Variants in PHLPP1 observed in about 807,000 individuals in gnomAD.
The protein encoded by PHLPP1 is PH domain and leucine rich repeat protein phosphatase 1, also known as PH domain leucine-rich repeat-containing protein phosphatase 1.
In PHLPP1, 42 loss-of-function variants were observed where a neutral mutation model predicts 117.2. The observed-to-expected ratio is 0.36, with a 90% CI of 0.28 to 0.46. The LOEUF (loss-of-function observed/expected upper bound fraction) is 0.46. Among genes scored for constraint, PHLPP1 ranks in the 20% least tolerant of loss-of-function variants. The pLI, the probability that PHLPP1 is intolerant of heterozygous loss-of-function variation, is 1.00. For synonymous variants in PHLPP1, 1,042 were observed against 970.7 expected, an observed-to-expected ratio of 1.07 and a Z score of -1.37; for missense variants, 2,084 against 2,241.9, an observed-to-expected ratio of 0.93 and a Z score of 1.42.
chr18:62,807,624 C>T (rs1913987018), intron 1 of PHLPP1, among the ~76,000 whole-genome samples: 2 of 152,198 alleles, frequency 1.3e-5, no homozygotes, highest in African/African-American at 4.8e-5. Flanking sequence ...TACTCCACAC[C>T]TCTCTATGCT....
rs1007188094 is a variant in PHLPP1 at position 62,715,791 on chromosome 18, G to C, written c.108G>C (p.Ala36=). The C allele has an allele frequency of 1.3e-6, 1 of 791,692 alleles. No homozygotes were observed. Among genetic ancestry groups the C allele is most frequent in the Non-Finnish European group, 1.5e-6 (1 of 645,562 alleles). 49.0% of individuals were successfully genotyped at this position (791,692 alleles called of 1,614,324 possible). A position where few individuals can be genotyped will look rare whatever the true frequency, so the allele number is the denominator to read the frequency against. The change falls in exon 1 of 17, where the codon GCG becomes GCC. Residue 36 remains alanine (A), a synonymous_variant. Coordinates refer to ENST00000262719, the MANE Select transcript of PHLPP1 (RefSeq NM_194449.4). ...AAAAAAAAAA[A]AAAALAAAAG... is the part of the protein sequence containing the mutation. ...CTGCGGCAGCAGCAGCAGCAGCGGCGGCCGCGGCGGCTCTGGCGGCGGCGG... is the reference window on the plus strand; with the variant it reads ...CTGCGGCAGCAGCAGCAGCAGCGGCCGCCGCGGCGGCTCTGGCGGCGGCGG...
chr18:62,889,759 G>C (rs1916363757), intron 4 of PHLPP1: 1 of 152,164 alleles, frequency 6.6e-6, no homozygotes, highest in Non-Finnish European at 1.5e-5. Context: ...TATGGAGAAG[G>C]CACTTCTCCA....
chr18:62,943,728 C>T (rs1051078031), intron 11 of PHLPP1, among the ~76,000 whole-genome samples: 5 of 152,162 alleles, frequency 3.3e-5, no homozygotes, highest in Non-Finnish European at 7.3e-5. Context: ...AAAACACCTC[C>T]CACCGGGCCC....
intron 10 of PHLPP1, among the ~76,000 whole-genome samples, chr18:62,928,686 T>C (rs1025223792): frequency 6.6e-6 from 1 of 152,184 alleles, no homozygotes; most frequent in African/African-American, 2.4e-5. Context: ...CATATATGTT[T>C]ACACCAAACT....
intron 1 of PHLPP1, among the ~76,000 whole-genome samples, chr18:62,775,781 C>G (rs1207820247): frequency 6.6e-6 from 1 of 152,126 alleles, no homozygotes; most frequent in Non-Finnish European, 1.5e-5. Context: ...GAAACCACCA[C>G]CACAGTCAAG....
At chr18:62,923,463 AAAGTT>A (rs1289376341) in intron 10 of PHLPP1, among the ~76,000 whole-genome samples, 1 of 152,196 alleles carries the variant, frequency 6.6e-6, no homozygotes, top group African/African-American at 2.4e-5. Flanking sequence ...ATCAGAGAGA[AAAGTT>A]AAGATTGTTA....
chr18:62,938,442 T>C (rs1910035796), intron 10 of PHLPP1, among the ~76,000 whole-genome samples: 1 of 152,220 alleles, frequency 6.6e-6, no homozygotes, highest in Middle Eastern at 3.2e-3. Flanking sequence ...CAATTTAAAT[T>C]GTCTCCTGCT....
rs181263570 is a variant in PHLPP1, at chr18:62,830,144, C to T, written c.1686C>T (p.Val562=). Reference sequence around the variant, plus strand: ...TGAACCGATGGACAAGACGCCAAGTCATCCTATGTGGGACCTGCCTGATAG... The same window carrying T: ...TGAACCGATGGACAAGACGCCAAGTTATCCTATGTGGGACCTGCCTGATAG... ...LPVNRWTRRQ[V]ILCGTCLIVS... Residue 562 remains valine (V), a synonymous_variant, in exon 2 of 17, where the codon GTC becomes GTT. Coordinates refer to ENST00000262719, the MANE Select transcript of PHLPP1 (RefSeq NM_194449.4). 23 of 1,607,700 alleles carry T rather than the reference C, an allele frequency of 1.4e-5. No individual in the cohort carries two copies. The Admixed American group carries it at 3.7e-4, about 26-fold the overall frequency.
chr18:62,853,618 C>T lies in PHLPP1; in HGVS notation c.1900-6817C>T, dbSNP rs546071. Among the ~76,000 whole-genome samples, 51 of 151,906 alleles carry T rather than the reference C, an allele frequency of 3.4e-4. 1 individual carries two copies. The highest frequency in any genetic ancestry group is 3.3e-3 in the Admixed American group (51 of 15,252). On this transcript the variant is annotated intron_variant, in intron 3 of 16. Coordinates refer to ENST00000262719, the MANE Select transcript of PHLPP1 (RefSeq NM_194449.4). Reference sequence around the variant, plus strand: ...CTCCTGACCTCAGGTGATCTGCCCCCCTCGGCCCCACAAAGTGCTGGGATT... The same window carrying T: ...CTCCTGACCTCAGGTGATCTGCCCCTCTCGGCCCCACAAAGTGCTGGGATT...
chr18:62,803,157 T>C (rs1913834805), intron 1 of PHLPP1, among the ~76,000 whole-genome samples: 1 of 152,238 alleles, frequency 6.6e-6, no homozygotes, highest in Non-Finnish European at 1.5e-5. Flanking sequence ...TAAGGGTTCA[T>C]ATTGGTGTTA....
chr18:62,768,170 A>G (rs2144261617), intron 1 of PHLPP1, among the ~76,000 whole-genome samples: 1 of 152,314 alleles, frequency 6.6e-6, no homozygotes, highest in African/African-American at 2.4e-5. Context: ...AAGTTTGAGA[A>G]CTGCAATGTA....
intron 14 of PHLPP1, among the ~76,000 whole-genome samples, chr18:62,965,620 G>T (rs1028871356): frequency 6.6e-6 from 1 of 150,922 alleles, no homozygotes; most frequent in African/African-American, 2.4e-5. Flanking sequence ...CACCATGCCC[G>T]ACTAATTTTT....
intron 1 of PHLPP1, among the ~76,000 whole-genome samples, chr18:62,736,363 T>TTCA (rs1354301439): frequency 4.6e-5 from 7 of 152,072 alleles, no homozygotes; most frequent in African/African-American, 1.7e-4. Context: ...TAAACCACTG[T>TTCA]GTGGTTCAGG....
intron 1 of PHLPP1, among the ~76,000 whole-genome samples, chr18:62,781,857 A>C (rs1406354945): frequency 6.6e-6 from 1 of 152,202 alleles, no homozygotes; most frequent in African/African-American, 2.4e-5. Flanking sequence ...TGGAATACAT[A>C]TGAGAAATTT....
intron 1 of PHLPP1, among the ~76,000 whole-genome samples, chr18:62,722,788 C>T (rs1302294051): frequency 1.3e-5 from 2 of 152,074 alleles, no homozygotes; most frequent in African/African-American, 4.8e-5. Context: ...AACTCAAGTA[C>T]TTAGGAAGAA....
intron 1 of PHLPP1, among the ~76,000 whole-genome samples, chr18:62,767,552 G>T (rs1378387124): frequency 6.6e-6 from 1 of 152,212 alleles, no homozygotes; most frequent in African/African-American, 2.4e-5. Flanking sequence ...TAAATGAAAT[G>T]ATTGAACAGT....
chr18:62,767,012 T>C (rs1277467194), intron 1 of PHLPP1, among the ~76,000 whole-genome samples: 1 of 152,166 alleles, frequency 6.6e-6, no homozygotes, highest in Non-Finnish European at 1.5e-5. Context: ...ATCCACAGAT[T>C]AAATTCTAGC....
chr18:62,716,950 A>G lies in PHLPP1; in HGVS notation c.1267A>G (p.Ile423Val). The G allele has an allele frequency of 1.6e-5, 25 of 1,537,882 alleles. No homozygotes were observed. Among genetic ancestry groups the G allele is most frequent in the Non-Finnish European group, 2.0e-5 (23 of 1,145,924 alleles). Reference sequence around the variant, plus strand: ...GCCGCAGCAGAAAGCCCCGAGGGCCATTGACAGCCCGGGCGGGGCCGTCCG... The same window carrying G: ...GCCGCAGCAGAAAGCCCCGAGGGCCGTTGACAGCCCGGGCGGGGCCGTCCG... ...PQPQQKAPRAIDSPGGAVREG... is the reference protein window; with the variant it reads ...PQPQQKAPRAVDSPGGAVREG... The change falls in exon 1 of 17, where the codon ATT becomes GTT. Residue 423 changes from isoleucine (I) to valine (V), a missense_variant. Physicochemically the swap from Ile to Val is conservative, Grantham distance 29. Coordinates refer to ENST00000262719, the MANE Select transcript of PHLPP1 (RefSeq NM_194449.4). The surrounding 1 kb of genome is among the most constrained non-coding windows in gnomAD (Gnocchi z 5.7).
chr18:62,788,855 A>G (rs1913376370), intron 1 of PHLPP1, among the ~76,000 whole-genome samples: 1 of 151,842 alleles, frequency 6.6e-6, no homozygotes, highest in African/African-American at 2.4e-5. Flanking sequence ...ATCTCTTTGT[A>G]TTCTTATGTC....
Sources: allele counts gnomAD v4.1 joint callset (sites outside exome capture counted in the v4.1 genomes callset), GRCh38; gene constraint gnomAD v4.1.1; non-coding constraint Gnocchi (gnomAD v3.1); transcripts MANE v1.5; gene names NCBI Gene and HGNC (gene_info 2026-07-23, HGNC 2026-07-21).